C16orf96: variants seen among roughly 807,000 people sequenced by gnomAD.
The protein encoded by C16orf96 is chromosome 16 open reading frame 96, also known as uncharacterized protein C16orf96.
C16orf96 carries 108 observed loss-of-function variants against 103.6 expected under a neutral mutation model. That is an observed-to-expected ratio of 1.04 (90% CI 0.89 to 1.22). The LOEUF (loss-of-function observed/expected upper bound fraction) is 1.22, where lower values mean the gene tolerates loss of function less well. Ranked by LOEUF, C16orf96 falls within the 50% of genes most tolerant of loss-of-function variation. The pLI is 0.00. For missense variants in C16orf96, 1,586 were observed against 1,464.2 expected (o/e 1.08, Z -1.36); for synonymous variants, 566 against 593.5 (o/e 0.95, Z 0.67).
Position 4,576,448 on chromosome 16 carries a change from C to T in C16orf96, c.1968C>T (p.Ser656=). The stretch of plus-strand genomic sequence containing the variant: ...TCTCTCCCTCCTACTCTGCTGCCAG[C>T]ATCGGTCCCGATCCAGCCCTGTCCC... ...EILSPSYSAA[S]IGPDPALSQA... Residue 656 remains serine (S), a synonymous_variant, in exon 5 of 16, where the codon AGC becomes AGT. Transcript: ENST00000444310. 4 of 1,551,408 alleles carry T rather than the reference C, an allele frequency of 2.6e-6. No homozygotes were observed. The highest frequency in any genetic ancestry group is 3.5e-6 in the Non-Finnish European group (4 of 1,147,026).
chr16:4,559,525 T>G (rs1383298054), intron 1 of C16orf96, among the ~76,000 whole-genome samples: 1 of 150,250 alleles, frequency 6.7e-6, no homozygotes, highest in African/African-American at 2.5e-5. Context: ...CACTCCAGCC[T>G]GGGCAACAGA....
rs1176790381 is a variant in C16orf96, at chr16:4,587,057, A to G, written c.2371A>G (p.Lys791Glu). ...TTCTTAGACTCTCCAGGCTCAAATC[A>G]AAAGACTGGAAATGAACAAGGTGAA... ...DEFKTLQAQI[K>E]RLEMNKVNKS... The change falls in exon 8 of 16, where the codon AAA (lysine) becomes GAA (glutamate). Residue 791 changes from lysine (K) to glutamate (E), a missense_variant. Lys to Glu is a moderately conservative substitution (Grantham distance 56). Coordinates refer to ENST00000444310, the MANE Select transcript of C16orf96 (RefSeq NM_001145011.2). 3 of 1,551,420 alleles carry G rather than the reference A, an allele frequency of 1.9e-6. No individual in the cohort carries two copies. In the East Asian group the frequency reaches 7.3e-5, roughly 38 times the overall value.
chr16:4,577,683 C>T (rs1033734558), intron 5 of C16orf96, among the ~76,000 whole-genome samples: 16 of 151,998 alleles, frequency 1.1e-4, no homozygotes, highest in Non-Finnish European at 1.9e-4. Flanking sequence ...TGGCCGTGTG[C>T]GGTGGCTCAC....
chr16:4,597,168 TCTC>T (rs1273384256), intron 14 of C16orf96, among the ~76,000 whole-genome samples: 2 of 152,138 alleles, frequency 1.3e-5, no homozygotes, highest in Non-Finnish European at 1.5e-5. Context: ...GGATGTGGCT[TCTC>T]CTCGAGAGGA....
At chr16:4,559,845 T>G (rs1403995772) in intron 1 of C16orf96, among the ~76,000 whole-genome samples, 1 of 152,158 alleles carries the variant, frequency 6.6e-6, no homozygotes, top group African/African-American at 2.4e-5. Flanking sequence ...AAAGGCATAA[T>G]CTGTGTATTT....
In C16orf96 at chr16:4,600,496, C is replaced by CCA. The variant is rs1596543270; in HGVS notation, c.*180_*181insAC. On this transcript the variant is annotated 3_prime_UTR_variant, in exon 16 of 16. Transcript: ENST00000444310. ...CGAGGCTGAGGCTCATGCGCCCCCC[C>CCA]CCATCCCTACCAAGTCCCCTCCACG... 1 of 483,126 alleles carries CCA rather than the reference C, an allele frequency of 2.1e-6. No homozygotes were observed. Among genetic ancestry groups the CCA allele is most frequent in the Non-Finnish European group, 3.7e-6 (1 of 267,194 alleles). The allele number at this position is 483,126 out of a possible 1,614,324, so 29.9% of individuals were successfully genotyped here.
chr16:4,544,258 C>T, the C16orf96 span, among the ~76,000 whole-genome samples: 1 of 152,288 alleles, frequency 6.6e-6, no homozygotes, highest in South Asian at 2.1e-4. Flanking sequence ...ATGTAGTGAG[C>T]TGGAACTGGG....
At chr16:4,596,646 C>T (rs12924783) in intron 14 of C16orf96, among the ~76,000 whole-genome samples, 20,707 of 151,988 alleles carry the variant, frequency 0.14, 1,624 homozygotes, top group South Asian at 0.22. Context: ...CTCACCACTG[C>T]ACTCCAGCCT....
chr16:4,548,403 A>G, the C16orf96 span, among the ~76,000 whole-genome samples: 1 of 152,172 alleles, frequency 6.6e-6, no homozygotes, highest in African/African-American at 2.4e-5. Context: ...AGATTTCACC[A>G]TAATTGGGGC....
At chr16:4,541,797 C>G in the C16orf96 span, among the ~76,000 whole-genome samples, 2 of 152,140 alleles carry the variant, frequency 1.3e-5, no homozygotes, top group Admixed American at 6.6e-5. Flanking sequence ...CAATTGAGTT[C>G]AATTGCACTG....
At chr16:4,552,260 T>A (rs935738848), upstream of C16orf96, among the ~76,000 whole-genome samples, 1 of 152,060 alleles carries the variant, frequency 6.6e-6, no homozygotes, top group African/African-American at 2.4e-5. Context: ...GGCAGGCAGA[T>A]CACCTGAGGT....
chr16:4,558,534 C>A (rs949927497), intron 1 of C16orf96, among the ~76,000 whole-genome samples: 2 of 151,976 alleles, frequency 1.3e-5, no homozygotes, highest in Admixed American at 6.6e-5. Context: ...ATCACTTAAC[C>A]CCAGGAGTTG....
chr16:4,574,041 G>C (rs1031051514), intron 2 of C16orf96, among the ~76,000 whole-genome samples: 6 of 151,770 alleles, frequency 4.0e-5, no homozygotes, highest in Non-Finnish European at 8.8e-5. Context: ...CACCACATTG[G>C]TCAGGCTGGT....
intron 8 of C16orf96, among the ~76,000 whole-genome samples, 181 bp downstream of exon 8, chr16:4,587,294 C>T (rs954761784): frequency 1.3e-5 from 2 of 150,858 alleles, no homozygotes; most frequent in Non-Finnish European, 1.5e-5. Flanking sequence ...GAGGCCAAGG[C>T]GGGTGGATCA....
chr16:4,547,884 C>T, the C16orf96 span, among the ~76,000 whole-genome samples: 7 of 149,104 alleles, frequency 4.7e-5, no homozygotes, highest in Non-Finnish European at 1.0e-4. Context: ...CTTCAGTCCT[C>T]CTTCCTCAGC....
chr16:4,553,206 T>C (rs1223769165), upstream of C16orf96, among the ~76,000 whole-genome samples: 1 of 152,196 alleles, frequency 6.6e-6, no homozygotes, highest in Non-Finnish European at 1.5e-5. Context: ...GGACTGGTAA[T>C]GACCTCTGCA....
chr16:4,588,399 C>T, intron 9 of C16orf96, 68 bp downstream of exon 9: 2 of 1,483,932 alleles, frequency 1.3e-6, no homozygotes, highest in Non-Finnish European at 1.8e-6. Flanking sequence ...CAACTGCAAA[C>T]AACAAACGTT....
intron 14 of C16orf96, among the ~76,000 whole-genome samples, 175 bp downstream of exon 14, chr16:4,594,978 A>G (rs1897141029): frequency 1.3e-5 from 2 of 152,148 alleles, no homozygotes; most frequent in South Asian, 4.1e-4. Flanking sequence ...AGTCTTTGCA[A>G]TGGGGGAGGG....
chr16:4,555,869 A>C (rs116206936), upstream of C16orf96, among the ~76,000 whole-genome samples: 1,054 of 149,108 alleles, frequency 7.1e-3, 18 homozygotes, highest in African/African-American at 0.025. Context: ...GCTAATTACA[A>C]ATTTTTTTTT....
Sources: allele counts gnomAD v4.1 joint callset (sites outside exome capture counted in the v4.1 genomes callset), GRCh38; gene constraint gnomAD v4.1.1; transcripts MANE v1.5; gene names NCBI Gene and HGNC (gene_info 2026-07-23, HGNC 2026-07-21).